Variants in NPAS3 observed in about 807,000 individuals in gnomAD.
The protein encoded by NPAS3 is neuronal PAS domain protein 3, also known as neuronal PAS domain-containing protein 3.
NPAS3 carries 14 observed loss-of-function variants against 73.1 expected under a neutral mutation model. The ratio of observed to expected loss-of-function variants is 0.19; its 90% CI spans 0.13 to 0.30. The LOEUF is 0.30. NPAS3 is among the 10% of genes least tolerant of loss of function. The pLI is 1.00. For missense variants in NPAS3, 1,096 were observed against 1,250.0 expected, an observed-to-expected ratio of 0.88 and a Z score of 1.86; for synonymous variants, 620 against 541.5, an observed-to-expected ratio of 1.14 and a Z score of -2.01.
intron 1 of NPAS3, among the ~76,000 whole-genome samples, chr14:32,994,257 T>C (rs2038459528): frequency 6.6e-6 from 1 of 152,246 alleles, no homozygotes; most frequent in Non-Finnish European, 1.5e-5. Context: ...AAAATGTAAA[T>C]GGTTTGGGCA....
rs1486909115 is a variant in NPAS3, at chr14:33,543,969, A to C, written c.469-16152A>C. Among the ~76,000 whole-genome samples, 24 of 31,772 alleles carry C rather than the reference A, an allele frequency of 7.6e-4. No individual in the cohort carries two copies. In the South Asian group the frequency reaches 0.016, roughly 21 times the overall value. 20.8% of individuals were successfully genotyped at this position (31,772 alleles called of 152,430 possible). ...TGCATATATATATATATATATATATATATATATATATATATATATATATAT... is the reference window on the plus strand; with the variant it reads ...TGCATATATATATATATATATATATCTATATATATATATATATATATATAT... On this transcript the variant is annotated intron_variant, in intron 4 of 11. Transcript: ENST00000356141.
intron 4 of NPAS3, among the ~76,000 whole-genome samples, chr14:33,377,424 G>A (rs529159869): frequency 2.0e-5 from 3 of 152,276 alleles, no homozygotes; most frequent in African/African-American, 7.2e-5. Context: ...ACCAGCCATC[G>A]ACCATTGCTA....
intron 5 of NPAS3, among the ~76,000 whole-genome samples, chr14:33,589,942 T>C (rs1595223396): frequency 6.6e-6 from 1 of 152,196 alleles, no homozygotes; most frequent in African/African-American, 2.4e-5. Context: ...TTCTTTGGGA[T>C]GGAGGTGGTT....
intron 5 of NPAS3, among the ~76,000 whole-genome samples, chr14:33,598,076 G>A (rs960774787): frequency 6.6e-6 from 1 of 152,160 alleles, no homozygotes; most frequent in African/African-American, 2.4e-5. Flanking sequence ...TGAGTGGATA[G>A]GAAGTCCTTT....
chr14:33,111,437 C>T (rs2042888938), intron 2 of NPAS3, among the ~76,000 whole-genome samples: 1 of 152,128 alleles, frequency 6.6e-6, no homozygotes, highest in Admixed American at 6.6e-5. Context: ...AAAAATAGCC[C>T]TATTATCATA....
At chr14:33,147,730 A>AAAAAAATATATATATATAT (rs372663411) in intron 2 of NPAS3, among the ~76,000 whole-genome samples, 2 of 130,364 alleles carry the variant, frequency 1.5e-5, no homozygotes, top group African/African-American at 6.5e-5. Context: ...TAGAATAAAA[A>AAAAAAATATATATATATAT]ATATATATAT....
In NPAS3 at chr14:33,180,799, C is replaced by CAAAA. The variant is rs1555350930; in HGVS notation, c.141-34381_141-34380insAAAA. 4.4e-3 allele frequency among the ~76,000 whole-genome samples: 307 copies of CAAAA among 69,332 alleles called. 34 individuals are homozygous for CAAAA. Among genetic ancestry groups the CAAAA allele is most frequent in the Middle Eastern group, 0.013 (1 of 80 alleles). 45.5% of individuals were successfully genotyped at this position (69,332 alleles called of 152,430 possible). A position where few individuals can be genotyped will look rare whatever the true frequency, so the allele number is the denominator to read the frequency against. ...GGGCGACAGAGCGAGACACTGTCTCCAAGAAAAAAAAAAAAAAAAAAAAAA... is the reference window on the plus strand; with the variant it reads ...GGGCGACAGAGCGAGACACTGTCTCCAAAAAAGAAAAAAAAAAAAAAAAAAAAAA... On this transcript the variant is annotated intron_variant, in intron 2 of 11. Coordinates refer to ENST00000356141, the Ensembl canonical transcript of NPAS3.
intron 2 of NPAS3, among the ~76,000 whole-genome samples, chr14:33,124,121 T>C (rs1228019314): frequency 6.6e-6 from 1 of 152,072 alleles, no homozygotes; most frequent in African/African-American, 2.4e-5. Context: ...ACCAAAGTGC[T>C]AAGATTACAG....
At chr14:33,587,689 C>G (rs1015909170) in intron 5 of NPAS3, among the ~76,000 whole-genome samples, 1 of 152,104 alleles carries the variant, frequency 6.6e-6, no homozygotes, top group Non-Finnish European at 1.5e-5. Flanking sequence ...TCGGTGTATA[C>G]CTGTAGTATA....
At chr14:32,993,750 T>A (rs2038436956) in intron 1 of NPAS3, among the ~76,000 whole-genome samples, 1 of 152,196 alleles carries the variant, frequency 6.6e-6, no homozygotes, top group Non-Finnish European at 1.5e-5. Context: ...GGAAATTGAT[T>A]TTAATTTTGA....
chr14:33,093,465 A>C (rs1305973366), intron 2 of NPAS3, among the ~76,000 whole-genome samples: 1 of 152,194 alleles, frequency 6.6e-6, no homozygotes, highest in Non-Finnish European at 1.5e-5. Flanking sequence ...AAAGTCAGGG[A>C]ACAACAGGTG....
At chr14:32,979,198 T>C (rs2037803328) in intron 1 of NPAS3, among the ~76,000 whole-genome samples, 1 of 152,172 alleles carries the variant, frequency 6.6e-6, no homozygotes, top group Admixed American at 6.5e-5. Context: ...TTATTCTGAT[T>C]ATTGTGTTTT....
chr14:33,167,331 G>A (rs1323268067), intron 2 of NPAS3, among the ~76,000 whole-genome samples: 1 of 152,004 alleles, frequency 6.6e-6, no homozygotes, highest in South Asian at 2.1e-4. Context: ...GGGCTCCCAG[G>A]GCAATTTCTC....
At chr14:33,246,537 CAAAAA>C (rs56270689) in intron 3 of NPAS3, among the ~76,000 whole-genome samples, 5 of 103,202 alleles carry the variant, frequency 4.8e-5, no homozygotes, top group Non-Finnish European at 3.9e-5. Context: ...GACTTCATCT[CAAAAA>C]AAAAAAAAAA....
At chr14:33,134,073 C>G (rs2043742289) in intron 2 of NPAS3, among the ~76,000 whole-genome samples, 1 of 151,962 alleles carries the variant, frequency 6.6e-6, no homozygotes, top group Non-Finnish European at 1.5e-5. Context: ...CATTGATAAA[C>G]TACACTTCTT....
chr14:33,685,123 G>A (rs2060052914), intron 6 of NPAS3, among the ~76,000 whole-genome samples: 1 of 152,100 alleles, frequency 6.6e-6, no homozygotes, highest in South Asian at 2.1e-4. Context: ...GAATGTCCAC[G>A]ACGTGTCAGA....
rs939414376 is a variant in NPAS3 at position 33,706,476 on chromosome 14, TC to T, written c.734-28733del. Among the ~76,000 whole-genome samples, 202 of 152,142 alleles carry T rather than the reference TC, an allele frequency of 1.3e-3. 1 individual carries two copies. Among genetic ancestry groups the T allele is most frequent in the African/African-American group, 4.7e-3 (197 of 41,518 alleles). On this transcript the variant is annotated intron_variant, in intron 6 of 11. Transcript: ENST00000356141. ...CTAGCTGACACCAAACACCATGCCT[TC>T]CCCCATAGATCTGGCTGTTTCTCAT...
chr14:33,625,837 A>C (rs2058204599), intron 5 of NPAS3, among the ~76,000 whole-genome samples: 1 of 152,236 alleles, frequency 6.6e-6, no homozygotes, highest in African/African-American at 2.4e-5. Flanking sequence ...AGGAGAATTC[A>C]TGATTTTTCA....
At chr14:33,471,762 A>C (rs573059528) in intron 4 of NPAS3, among the ~76,000 whole-genome samples, 1 of 152,338 alleles carries the variant, frequency 6.6e-6, no homozygotes, top group Non-Finnish European at 1.5e-5. Context: ...TGGAGTCCCC[A>C]ACCCCCGGTA....
Sources: allele counts gnomAD v4.1 joint callset (sites outside exome capture counted in the v4.1 genomes callset), GRCh38; gene constraint gnomAD v4.1.1; transcripts MANE v1.5; gene names NCBI Gene and HGNC (gene_info 2026-07-23, HGNC 2026-07-21).